INPP4A: variants seen among roughly 807,000 people sequenced by gnomAD.
INPP4A encodes the protein inositol polyphosphate-4-phosphatase type I A, also known as inositol polyphosphate-4-phosphatase, type I, 107kD.
A neutral mutation model predicts 119.8 loss-of-function variants in INPP4A; 33 were observed. That is an observed-to-expected ratio of 0.28 (90% CI 0.21 to 0.37). The LOEUF is 0.37. INPP4A is among the 10% of genes least tolerant of loss of function. The pLI, the probability that INPP4A is intolerant of heterozygous loss-of-function variation, is 1.00. For missense variants in INPP4A, 956 were observed against 1,289.9 expected, an observed-to-expected ratio of 0.74 and a Z score of 3.97; for synonymous variants, 496 against 500.7, an observed-to-expected ratio of 0.99 and a Z score of 0.12.
chr2:98,481,829 CTG>C (rs1678526639), intron 1 of INPP4A, among the ~76,000 whole-genome samples: 1 of 152,222 alleles, frequency 6.6e-6, no homozygotes, highest in Non-Finnish European at 1.5e-5. Flanking sequence ...AGGGTGCTCC[CTG>C]TCCACGCACC....
chr2:98,508,991 A>G (rs1034891411), intron 1 of INPP4A, among the ~76,000 whole-genome samples: 8 of 152,122 alleles, frequency 5.3e-5, no homozygotes, highest in African/African-American at 1.9e-4. Flanking sequence ...TGGCTGCAGA[A>G]CCCAGGGGTG....
intron 24 of INPP4A, among the ~76,000 whole-genome samples, chr2:98,584,236 T>G (rs750386497): frequency 6.6e-6 from 1 of 152,264 alleles, no homozygotes; most frequent in Non-Finnish European, 1.5e-5. Flanking sequence ...GACCATCTTG[T>G]TTGCTTTATT....
At chr2:98,480,834 G>T (rs1198237711) in intron 1 of INPP4A, among the ~76,000 whole-genome samples, 2 of 152,248 alleles carry the variant, frequency 1.3e-5, no homozygotes, top group South Asian at 4.1e-4. Context: ...CAGGGCGCGT[G>T]TGTCCGTCTC....
rs1260304138 is a variant in INPP4A at position 98,564,636 on chromosome 2, A to G, written c.2029-4A>G. On this transcript the variant is annotated splice_polypyrimidine_tract_variant and splice_region_variant and intron_variant, in intron 18 of 24. Transcript: ENST00000409851. ...CTGAACCTCTTCACCCCACGCTCCC[A>G]CAGCTGACCGCCCTCATCTGCGGCT... 7.4e-6 allele frequency: 12 copies of G among 1,613,116 alleles called. No individual in the cohort carries two copies. Among genetic ancestry groups the G allele is most frequent in the Non-Finnish European group, 1.0e-5 (12 of 1,179,836 alleles).
At chr2:98,457,973 CA>C (rs772904603) in intron 1 of INPP4A, among the ~76,000 whole-genome samples, 2 of 141,358 alleles carry the variant, frequency 1.4e-5, no homozygotes, top group South Asian at 2.3e-4. Flanking sequence ...GCTAATTAAA[CA>C]AAAATTTTTT....
intron 17 of INPP4A, 83 bp from the exon 18 acceptor site, chr2:98,563,382 G>T (rs1377034374): frequency 9.2e-6 from 12 of 1,299,322 alleles, no homozygotes; most frequent in Non-Finnish European, 1.3e-5. Context: ...CAGTGGTTAG[G>T]GGCCAGGTGA....
chr2:98,574,397 G>T (rs1698053717), intron 23 of INPP4A, among the ~76,000 whole-genome samples: 1 of 152,128 alleles, frequency 6.6e-6, no homozygotes, highest in Admixed American at 6.5e-5. Context: ...CAGCACTTTG[G>T]GAGGCCGAGG....
chr2:98,479,140 T>G (rs1677881772), intron 1 of INPP4A, among the ~76,000 whole-genome samples: 1 of 152,140 alleles, frequency 6.6e-6, no homozygotes, highest in Admixed American at 6.5e-5. Flanking sequence ...CCTGTTCCAC[T>G]CCCCACTCAA....
chr2:98,532,058 A>C (rs907954816), intron 4 of INPP4A, among the ~76,000 whole-genome samples: 2 of 152,272 alleles, frequency 1.3e-5, no homozygotes, highest in African/African-American at 4.8e-5. Flanking sequence ...AGCTGTGAAC[A>C]GTGGTTAGTT....
intron 1 of INPP4A, among the ~76,000 whole-genome samples, chr2:98,498,302 A>G (rs1682444594): frequency 6.6e-6 from 1 of 151,874 alleles, no homozygotes; most frequent in Non-Finnish European, 1.5e-5. Flanking sequence ...ATGAGATCTG[A>G]TGGTTTGATG....
intron 16 of INPP4A, 146 bp from the exon 17 acceptor site, chr2:98,559,317 A>G: frequency 1.2e-6 from 1 of 826,084 alleles, no homozygotes; most frequent in East Asian, 2.7e-5. Flanking sequence ...CTTGGGGAAG[A>G]GGCAGCCAGG....
At chr2:98,505,455 AAG>A (rs1289195192) in intron 1 of INPP4A, among the ~76,000 whole-genome samples, 2 of 152,172 alleles carry the variant, frequency 1.3e-5, no homozygotes, top group Non-Finnish European at 2.9e-5. Flanking sequence ...TTGAACCTGA[AAG>A]AGAGGACGTG....
chr2:98,551,360 A>T (rs1299655998), intron 13 of INPP4A, among the ~76,000 whole-genome samples: 2 of 152,200 alleles, frequency 1.3e-5, no homozygotes, highest in Non-Finnish European at 2.9e-5. Flanking sequence ...TAGTGTGCAC[A>T]TCATGCTGTG....
intron 1 of INPP4A, among the ~76,000 whole-genome samples, chr2:98,459,773 G>T (rs1205586192): frequency 6.6e-6 from 1 of 152,236 alleles, no homozygotes; most frequent in Non-Finnish European, 1.5e-5. Context: ...TTGAGTGAAC[G>T]AATGAATAAA....
intron 4 of INPP4A, among the ~76,000 whole-genome samples, chr2:98,528,334 A>G (rs1477861722): frequency 2.0e-5 from 3 of 152,246 alleles, no homozygotes; most frequent in African/African-American, 4.8e-5. Flanking sequence ...AGACAGGTCA[A>G]TTGAGATTAT....
intron 1 of INPP4A, among the ~76,000 whole-genome samples, chr2:98,456,564 C>G (rs1696171287): frequency 6.6e-6 from 1 of 152,076 alleles, no homozygotes; most frequent in Admixed American, 6.5e-5. Context: ...GTCTTGAACT[C>G]CGGGCATCAA....
At chr2:98,581,947 T>C in intron 24 of INPP4A, 1 of 958,804 alleles carries the variant, frequency 1.0e-6, no homozygotes, top group South Asian at 1.9e-5. Context: ...CCAAGAAGAC[T>C]TGTTTGTTTA....
intron 1 of INPP4A, among the ~76,000 whole-genome samples, chr2:98,489,514 G>A (rs1278947039): frequency 6.6e-6 from 1 of 152,104 alleles, no homozygotes; most frequent in Non-Finnish European, 1.5e-5. Context: ...AGGATGCTGA[G>A]GCACCAAGTG....
chr2:98,590,429 A>G lies in INPP4A; in HGVS notation c.*2821A>G, dbSNP rs377674959. ...CCCTGACTGGCTGGTGACTCTGAGC[A>G]AGTTGCTTGACCTCTCCAAGCCTCC... is the stretch of plus-strand genomic sequence containing the variant. On this transcript the variant is annotated 3_prime_UTR_variant, in exon 25 of 25. Coordinates refer to ENST00000409851, the MANE Select transcript of INPP4A (RefSeq NM_001134225.2). The G allele has an allele frequency of 5.3e-6, 1 of 188,326 alleles. No individual in the cohort carries two copies. 11.7% of individuals were successfully genotyped at this position (188,326 alleles called of 1,614,324 possible). A position where few individuals can be genotyped will look rare whatever the true frequency, so the allele number is the denominator to read the frequency against.
Sources: allele counts gnomAD v4.1 joint callset (sites outside exome capture counted in the v4.1 genomes callset), GRCh38; gene constraint gnomAD v4.1.1; transcripts MANE v1.5; gene names NCBI Gene and HGNC (gene_info 2026-07-23, HGNC 2026-07-21).